Variants in SPAG16 observed in about 807,000 individuals in gnomAD.
SPAG16 encodes the protein sperm associated antigen 16.
Under a neutral mutation model 80.4 loss-of-function variants are expected in SPAG16, and 86 were observed. That is an observed-to-expected ratio of 1.07 (90% CI 0.90 to 1.28). SPAG16 has a LOEUF of 1.28. SPAG16 is among the 50% of genes most tolerant of loss of function. The probability of loss-of-function intolerance (pLI) is 0.00; values close to 1 mark genes in which losing one functional copy is unlikely to be tolerated. For missense variants in SPAG16, 870 were observed against 765.3 expected (o/e 1.14, Z -1.61); for synonymous variants, 294 against 265.9 (o/e 1.11, Z -1.03).
chr2:213,416,068 A>G (rs1298517166), intron 9 of SPAG16, among the ~76,000 whole-genome samples: 1 of 152,244 alleles, frequency 6.6e-6, no homozygotes, highest in African/African-American at 2.4e-5. Context: ...ACACATTGTG[A>G]GTGATAACCT....
intron 9 of SPAG16, among the ~76,000 whole-genome samples, chr2:213,471,088 G>A (rs1335028773): frequency 1.3e-5 from 2 of 152,204 alleles, no homozygotes; most frequent in African/African-American, 2.4e-5. Context: ...CTGTCCTTCA[G>A]GGATGTCCTA....
At chr2:214,383,577 AAAG>A (rs1250224186) in intron 15 of SPAG16, among the ~76,000 whole-genome samples, 3 of 151,246 alleles carry the variant, frequency 2.0e-5, no homozygotes, top group Non-Finnish European at 3.0e-5. Flanking sequence ...TCTCAAAAAA[AAAG>A]AAAAAAGAAA....
chr2:214,401,723 C>A (rs970904461), intron 15 of SPAG16, among the ~76,000 whole-genome samples: 2 of 151,816 alleles, frequency 1.3e-5, no homozygotes, highest in Non-Finnish European at 2.9e-5. Context: ...TTCCTACAAT[C>A]CAGAATGACA....
At chr2:213,344,927 C>G (rs535962540) in intron 6 of SPAG16, among the ~76,000 whole-genome samples, 2 of 152,328 alleles carry the variant, frequency 1.3e-5, no homozygotes, top group East Asian at 1.9e-4. Context: ...AATGGTATTT[C>G]TAGTTCAAGA....
chr2:213,888,264 G>A (rs938203146), intron 11 of SPAG16, among the ~76,000 whole-genome samples: 3 of 151,548 alleles, frequency 2.0e-5, no homozygotes, highest in Admixed American at 6.6e-5. Context: ...TTCTGACAAA[G>A]CTCCTGTTTA....
intron 10 of SPAG16, among the ~76,000 whole-genome samples, chr2:213,725,902 TG>T (rs1434951030): frequency 2.0e-5 from 3 of 152,208 alleles, no homozygotes; most frequent in African/African-American, 7.2e-5. Flanking sequence ...ACTGTGTTTC[TG>T]GGTCAGGACA....
At chr2:213,465,676 G>A (rs1000852824) in intron 9 of SPAG16, among the ~76,000 whole-genome samples, 1 of 152,144 alleles carries the variant, frequency 6.6e-6, no homozygotes, top group Non-Finnish European at 1.5e-5. Context: ...GGTATAAATG[G>A]CTAAGTTCTT....
chr2:213,893,230 A>G (rs963772160), intron 11 of SPAG16, among the ~76,000 whole-genome samples: 1 of 152,190 alleles, frequency 6.6e-6, no homozygotes, highest in Non-Finnish European at 1.5e-5. Flanking sequence ...TCCTTCAGCT[A>G]TGAAACAGAA....
intron 10 of SPAG16, among the ~76,000 whole-genome samples, chr2:213,495,394 A>T (rs1483340103): frequency 1.3e-5 from 2 of 152,238 alleles, no homozygotes; most frequent in Non-Finnish European, 2.9e-5. Context: ...CTTCCAGACT[A>T]ATGAGCTATC....
intron 10 of SPAG16, among the ~76,000 whole-genome samples, chr2:213,616,032 A>C (rs753920339): frequency 6.6e-6 from 1 of 152,222 alleles, no homozygotes; most frequent in African/African-American, 2.4e-5. Context: ...CATGTTCTGC[A>C]CATGTATCCC....
At chr2:213,769,844 A>G (rs1288046013) in intron 10 of SPAG16, among the ~76,000 whole-genome samples, 1 of 152,190 alleles carries the variant, frequency 6.6e-6, no homozygotes, top group Non-Finnish European at 1.5e-5. Flanking sequence ...ACAAATTCAT[A>G]TACCCATCAA....
chr2:214,026,090 A>G (rs1027869060), intron 13 of SPAG16, among the ~76,000 whole-genome samples: 10 of 151,568 alleles, frequency 6.6e-5, no homozygotes, highest in Non-Finnish European at 1.2e-4. Context: ...ACAGTGGAAA[A>G]AAAGTAGAAT....
intron 15 of SPAG16, among the ~76,000 whole-genome samples, chr2:214,207,699 G>A (rs751221025): frequency 6.6e-6 from 1 of 152,156 alleles, no homozygotes; most frequent in Non-Finnish European, 1.5e-5. Flanking sequence ...GTTTCCAAAG[G>A]AGATTAACAT....
At chr2:213,560,135 C>T (rs1046729973) in intron 10 of SPAG16, among the ~76,000 whole-genome samples, 3 of 152,002 alleles carry the variant, frequency 2.0e-5, no homozygotes, top group Non-Finnish European at 4.4e-5. Context: ...TGATTATCCT[C>T]TTATTTCCAA....
At chr2:213,630,948 T>A (rs190694422) in intron 10 of SPAG16, among the ~76,000 whole-genome samples, 43 of 152,296 alleles carry the variant, frequency 2.8e-4, no homozygotes, top group Non-Finnish European at 5.9e-5. Context: ...GATGGGGTTG[T>A]TGTGGTGGTG....
intron 8 of SPAG16, among the ~76,000 whole-genome samples, chr2:213,374,801 T>C (rs562083866): frequency 1.3e-5 from 2 of 152,256 alleles, no homozygotes; most frequent in African/African-American, 4.8e-5. Context: ...ATGTATTTAA[T>C]TAACCTTGTA....
rs1017244255 is a variant in SPAG16, at chr2:213,651,468, A to G, written c.1070+161378A>G. Among the ~76,000 whole-genome samples, 3 of 152,302 alleles carry G rather than the reference A, an allele frequency of 2.0e-5. No homozygotes were observed. The East Asian group carries it at 5.8e-4, about 29-fold the overall frequency. ...TTGGCAGTAAGCAGAAACCTCTCCC[A>G]AGAGTTTGGGAAGCTGCAGGAAGGT... On this transcript the variant is annotated intron_variant, in intron 10 of 15. Transcript: ENST00000331683.
chr2:214,250,220 T>C (rs1410899230), intron 15 of SPAG16: 1 of 152,160 alleles, frequency 6.6e-6, no homozygotes, highest in Non-Finnish European at 1.5e-5. Flanking sequence ...ATAAGCATTC[T>C]CTCTGCCACA....
At chr2:213,857,206 G>C (rs1038413357) in intron 10 of SPAG16, among the ~76,000 whole-genome samples, 10 of 152,140 alleles carry the variant, frequency 6.6e-5, no homozygotes, top group African/African-American at 2.2e-4. Context: ...CTCCAGCCTG[G>C]GTGACAGAGA....
Sources: gnomAD v4.1 joint callset for allele counts (sites outside exome capture counted in the v4.1 genomes callset) on GRCh38, gnomAD v4.1.1 for gene constraint, MANE v1.5 for transcripts, NCBI Gene and HGNC (gene_info 2026-07-23, HGNC 2026-07-21) for gene names.